NOS1: variants seen among roughly 807,000 people sequenced by gnomAD.
The protein encoded by NOS1 is nitric oxide synthase 1.
A neutral mutation model predicts 164.5 loss-of-function variants in NOS1; 51 were observed. That is an observed-to-expected ratio of 0.31 (90% confidence interval 0.25 to 0.39). The LOEUF (loss-of-function observed/expected upper bound fraction) is 0.39, where lower values mean the gene tolerates loss of function less well. Ranked by LOEUF, NOS1 falls within the 10% of genes least tolerant of loss-of-function variation. The pLI, the probability that NOS1 is intolerant of heterozygous loss-of-function variation, is 1.00. For synonymous variants in NOS1, 719 were observed against 745.8 expected (o/e 0.96, Z 0.59); for missense variants, 1,362 against 1,885.6 (o/e 0.72, Z 5.14).
chr12:117,281,628 G>A (rs1266643446), intron 7 of NOS1, among the ~76,000 whole-genome samples: 2 of 150,780 alleles, frequency 1.3e-5, no homozygotes, highest in Non-Finnish European at 2.9e-5. Flanking sequence ...GAGGACAAGA[G>A]ATGGAGACCA....
intron 3 of NOS1, among the ~76,000 whole-genome samples, chr12:117,293,888 G>A (rs565937481): frequency 8.9e-4 from 136 of 152,076 alleles, no homozygotes; most frequent in African/African-American, 3.0e-3. Flanking sequence ...TAGGAAGTTG[G>A]ATACAAACAA....
At chr12:117,221,144 TTATTTA>T (rs1344247958) in intron 26 of NOS1, among the ~76,000 whole-genome samples, 1 of 150,970 alleles carries the variant, frequency 6.6e-6, no homozygotes, top group Admixed American at 6.6e-5. Flanking sequence ...ATTTATTTAT[TTATTTA>T]TTTATTTATT....
chr12:117,348,861 G>A (rs1034617105), intron 1 of NOS1, among the ~76,000 whole-genome samples: 4 of 152,174 alleles, frequency 2.6e-5, no homozygotes, highest in African/African-American at 9.7e-5. Context: ...AAAGCAATGT[G>A]GGATCCTGGA....
At position 117,243,232 on chromosome 12, in the gene NOS1, A is replaced by G. The variant is rs1462482336; in HGVS notation, c.2962+65T>C. On this transcript the variant is annotated intron_variant, in intron 19 of 28. Coordinates refer to ENST00000317775, the MANE Select transcript of NOS1 (RefSeq NM_000620.5). This position sits in a 1 kb window ranked among gnomAD's most constrained non-coding sequence, Gnocchi z 4.3. Reference sequence around the variant, plus strand: ...CCCATCTTCTCTAAGCACCTTCTGGAGGTGAGATCACCTGCCTTTCCCCCA... The same window carrying G: ...CCCATCTTCTCTAAGCACCTTCTGGGGGTGAGATCACCTGCCTTTCCCCCA... 1 of 1,591,744 alleles carries G rather than the reference A, an allele frequency of 6.3e-7. No individual in the cohort carries two copies. Among genetic ancestry groups the G allele is most frequent in the African/African-American group, 1.3e-5 (1 of 74,562 alleles).
intron 26 of NOS1, 91 bp from the exon 27 acceptor site, chr12:117,220,360 G>A: frequency 7.9e-7 from 1 of 1,270,986 alleles, no homozygotes; most frequent in Non-Finnish European, 1.1e-6. Context: ...GCCTGACTCA[G>A]GGGCTTGTGG....
At chr12:117,274,227 C>G (rs1872999008) in intron 9 of NOS1, among the ~76,000 whole-genome samples, 1 of 152,096 alleles carries the variant, frequency 6.6e-6, no homozygotes, top group Non-Finnish European at 1.5e-5. Flanking sequence ...CAGCTTCACT[C>G]AACATCAGGG....
At chr12:117,256,114 G>T in intron 16 of NOS1, 1 of 713,750 alleles carries the variant, frequency 1.4e-6, no homozygotes, top group Non-Finnish European at 2.2e-6. Context: ...GGCCATCTAG[G>T]ATGGGGTGGG....
chr12:117,306,157 G>A (rs1445693429), intron 3 of NOS1, among the ~76,000 whole-genome samples: 2 of 152,078 alleles, frequency 1.3e-5, no homozygotes, highest in Non-Finnish European at 2.9e-5. Context: ...GGGCAAAGAC[G>A]AACGTAAATC....
At chr12:117,292,492 C>T (rs902933487) in intron 3 of NOS1, among the ~76,000 whole-genome samples, 1 of 152,080 alleles carries the variant, frequency 6.6e-6, no homozygotes, top group Admixed American at 6.5e-5. Context: ...GGATCAAAGT[C>T]CAGGATAGAA....
rs60613906 is a variant in NOS1 at position 117,335,729 on chromosome 12, TGAGAGA to T, written c.-420-4246_-420-4241del. Reference sequence around the variant, plus strand: ...TTTTATTTAATTGTTACAGACTATATGAGAGAGAGAGAGAGAGAGAGAGAGAGAGAG... The same window carrying T: ...TTTTATTTAATTGTTACAGACTATATGAGAGAGAGAGAGAGAGAGAGAGAG... On this transcript the variant is annotated intron_variant, in intron 1 of 28. Coordinates refer to ENST00000317775, the MANE Select transcript of NOS1 (RefSeq NM_000620.5). Among the ~76,000 whole-genome samples, 875 of 112,578 alleles carry T rather than the reference TGAGAGA, an allele frequency of 7.8e-3. 19 individuals are homozygous for T. The highest frequency in any genetic ancestry group is 8.4e-3 in the African/African-American group (236 of 28,024). 73.9% of individuals were successfully genotyped at this position (112,578 alleles called of 152,430 possible). A position where few individuals can be genotyped will look rare whatever the true frequency, so the allele number is the denominator to read the frequency against.
At chr12:117,324,596 G>A (rs569401120) in intron 2 of NOS1, among the ~76,000 whole-genome samples, 37 of 152,250 alleles carry the variant, frequency 2.4e-4, no homozygotes, top group African/African-American at 8.9e-4. Flanking sequence ...GCTGGGCATG[G>A]TCTCAGTTAC....
chr12:117,262,656 T>TCATA (rs1198537187), intron 13 of NOS1, among the ~76,000 whole-genome samples: 1 of 152,132 alleles, frequency 6.6e-6, no homozygotes, highest in Non-Finnish European at 1.5e-5. Context: ...CAACTAGTTA[T>TCATA]CATACATAGA....
chr12:117,297,206 A>G (rs534513951), intron 3 of NOS1, among the ~76,000 whole-genome samples: 3 of 152,322 alleles, frequency 2.0e-5, no homozygotes, highest in African/African-American at 7.2e-5. Flanking sequence ...CAAGGCAGAG[A>G]GACCCATGAG....
rs1056496744 is a variant in NOS1 at position 117,234,432 on chromosome 12, C to T, written c.3235+133G>A. The T allele has an allele frequency of 1.1e-5, 10 of 900,818 alleles. No homozygotes were observed. The highest frequency in any genetic ancestry group is 1.7e-6 in the Non-Finnish European group (1 of 602,626). The allele number at this position is 900,818 out of a possible 1,614,324, so 55.8% of individuals were successfully genotyped here. On this transcript the variant is annotated intron_variant, in intron 21 of 28. Transcript: ENST00000317775. The surrounding 1 kb of genome is among the most constrained non-coding windows in gnomAD (Gnocchi z 4.3). The stretch of plus-strand genomic sequence containing the variant: ...CATGAGAAAGGGGGATATCTTTAGT[C>T]TCATAGGCTGTTAGCAACAGACACC...
At chr12:117,310,499 A>T (rs9658309) in intron 3 of NOS1, among the ~76,000 whole-genome samples, 20,896 of 152,280 alleles carry the variant, frequency 0.14, 1,661 homozygotes, top group East Asian at 0.26. Flanking sequence ...AATATTCAAA[A>T]TTAATGTGTG....
intron 1 of NOS1, among the ~76,000 whole-genome samples, chr12:117,360,793 CG>C (rs1877103445): frequency 6.6e-6 from 1 of 152,186 alleles, no homozygotes; most frequent in East Asian, 1.9e-4. Flanking sequence ...GCAGGTACAA[CG>C]GTCCCCAGGG....
intron 3 of NOS1, among the ~76,000 whole-genome samples, chr12:117,307,359 T>C (rs1260969834): frequency 6.6e-6 from 1 of 151,840 alleles, no homozygotes; most frequent in East Asian, 1.9e-4. Flanking sequence ...AGGTGCTTTT[T>C]TTTGTTTTGT....
Position 117,260,069 on chromosome 12 carries a change from A to C in NOS1, c.2367+396T>G, listed in dbSNP as rs563947680. 1.2e-3 allele frequency among the ~76,000 whole-genome samples: 174 copies of C among 150,098 alleles called. 1 individual carries two copies. Among genetic ancestry groups the C allele is most frequent in the Non-Finnish European group, 6.8e-4 (46 of 67,602 alleles). ...GGGAGGTGGAGCTTGCAGTGAGCCG[A>C]GATCGCGCCACTGCACTCCAGCCTG... On this transcript the variant is annotated intron_variant, in intron 14 of 28. Coordinates refer to ENST00000317775, the MANE Select transcript of NOS1 (RefSeq NM_000620.5).
At chr12:117,322,357 C>T (rs1298726786) in intron 2 of NOS1, among the ~76,000 whole-genome samples, 4 of 130,826 alleles carry the variant, frequency 3.1e-5, no homozygotes, top group African/African-American at 8.3e-5. Flanking sequence ...TTCCATCCTT[C>T]CTTCTGTCCC....
Sources: gnomAD v4.1 joint callset for allele counts (sites outside exome capture counted in the v4.1 genomes callset) on GRCh38, gnomAD v4.1.1 for gene constraint, Gnocchi (gnomAD v3.1) non-coding constraint, MANE v1.5 for transcripts, NCBI Gene and HGNC (gene_info 2026-07-23, HGNC 2026-07-21) for gene names.